ZCWPW2: variants seen among roughly 807,000 people sequenced by gnomAD.
ZCWPW2 encodes the protein zinc finger CW-type and PWWP domain containing 2.
In ZCWPW2, 45 loss-of-function variants were observed where a neutral mutation model predicts 46.6. The observed-to-expected ratio is 0.96, with a 90% CI of 0.76 to 1.24. The LOEUF is 1.24. ZCWPW2 is among the 50% of genes most tolerant of loss of function. The pLI is 0.00. For missense variants in ZCWPW2, 429 were observed against 403.9 expected, an observed-to-expected ratio of 1.06 and a Z score of -0.53; for synonymous variants, 152 against 137.1, an observed-to-expected ratio of 1.11 and a Z score of -0.76.
chr3:28,360,909 C>G (rs1704917622), intron 1 of ZCWPW2, among the ~76,000 whole-genome samples: 1 of 151,914 alleles, frequency 6.6e-6, no homozygotes, highest in Non-Finnish European at 1.5e-5. Flanking sequence ...GACATATAAA[C>G]CAATAAAATT....
chr3:28,356,727 C>T (rs962167013), intron 1 of ZCWPW2, among the ~76,000 whole-genome samples: 1 of 152,060 alleles, frequency 6.6e-6, no homozygotes, highest in Non-Finnish European at 1.5e-5. Flanking sequence ...AGCTGGAAAC[C>T]ATCATTCTCA....
At position 28,365,821 on chromosome 3, in the gene ZCWPW2, G is replaced by T. The variant is rs562345080; in HGVS notation, c.-134+16618G>T. 2.6e-4 allele frequency among the ~76,000 whole-genome samples: 36 copies of T among 140,700 alleles called. 1 individual carries two copies. The East Asian group carries it at 7.1e-3, about 28-fold the overall frequency. The allele number at this position is 140,700 out of a possible 152,430, so 92.3% of individuals were successfully genotyped here. ...ATTTGTTTGTATCCTCTTTTATTTC[G>T]TTGAGCAGTGGTTTGTAGTTTTCCT... On this transcript the variant is annotated intron_variant, in intron 1 of 9. Coordinates refer to ENST00000383768, the MANE Select transcript of ZCWPW2 (RefSeq NM_001040432.4).
At position 28,413,417 on chromosome 3, in the gene ZCWPW2, T is replaced by C. The variant is rs1559495103; in HGVS notation, c.332+17T>C. 1 of 1,571,838 alleles carries C rather than the reference T, an allele frequency of 6.4e-7. No homozygotes were observed. Among genetic ancestry groups the C allele is most frequent in the African/African-American group, 1.4e-5 (1 of 73,534 alleles). On this transcript the variant is annotated intron_variant, in intron 3 of 9. Transcript: ENST00000383768. Reference sequence around the variant, plus strand: ...TTGGCCAAGGTAAGGTTTGTGTAGTTTTATGACTTTTGAAATGTAGTCTTG... The same window carrying C: ...TTGGCCAAGGTAAGGTTTGTGTAGTCTTATGACTTTTGAAATGTAGTCTTG...
At chr3:28,375,086 C>T (rs781046921) in intron 1 of ZCWPW2, among the ~76,000 whole-genome samples, 6 of 151,110 alleles carry the variant, frequency 4.0e-5, no homozygotes, top group Admixed American at 6.6e-5. Context: ...TATAATGATC[C>T]TCTTCATCTC....
At chr3:28,478,733 T>C (rs1038721300) in intron 4 of ZCWPW2, 81 bp from the exon 5 acceptor site, 10 of 601,420 alleles carry the variant, frequency 1.7e-5, no homozygotes, top group Non-Finnish European at 2.4e-5. Flanking sequence ...AATTAGATTT[T>C]GTTCCAGCTT....
At chr3:28,359,510 AAGAGAAAAAGGCCT>A (rs1266703510) in intron 1 of ZCWPW2, among the ~76,000 whole-genome samples, 1 of 152,128 alleles carries the variant, frequency 6.6e-6, no homozygotes, top group Non-Finnish European at 1.5e-5. Context: ...AGTTGAAGAA[AAGAGAAAAAGGCCT>A]AGAGAAAAAT....
chr3:28,505,278 G>A (rs956954004), intron 6 of ZCWPW2, among the ~76,000 whole-genome samples: 8 of 152,096 alleles, frequency 5.3e-5, no homozygotes, highest in African/African-American at 1.7e-4. Context: ...AGAGTGCAGG[G>A]AACGGCAAGA....
intron 1 of ZCWPW2, among the ~76,000 whole-genome samples, chr3:28,368,843 A>C (rs1705214303): frequency 6.6e-6 from 1 of 152,108 alleles, no homozygotes; most frequent in Admixed American, 6.6e-5. Context: ...TATTTCTTGG[A>C]GGCTTTGTTC....
At chr3:28,380,273 C>A (rs1213531549) in intron 1 of ZCWPW2, among the ~76,000 whole-genome samples, 2 of 152,142 alleles carry the variant, frequency 1.3e-5, no homozygotes, top group Non-Finnish European at 2.9e-5. Context: ...CATGAGCCAC[C>A]ACGCCCGGCC....
chr3:28,369,218 G>T (rs572311748), intron 1 of ZCWPW2, among the ~76,000 whole-genome samples: 1 of 152,266 alleles, frequency 6.6e-6, no homozygotes, highest in South Asian at 2.1e-4. Context: ...GTATTCCTTT[G>T]GAGGAGGAGA....
At chr3:28,380,530 A>T (rs1392020905) in intron 1 of ZCWPW2, among the ~76,000 whole-genome samples, 2 of 152,072 alleles carry the variant, frequency 1.3e-5, no homozygotes, top group African/African-American at 4.8e-5. Flanking sequence ...TTTACTATAA[A>T]CCTGCCATTG....
intron 4 of ZCWPW2, among the ~76,000 whole-genome samples, chr3:28,466,203 C>A (rs1486256774): frequency 6.6e-6 from 1 of 151,974 alleles, no homozygotes; most frequent in South Asian, 2.1e-4. Flanking sequence ...GGTGGGAGGA[C>A]AATGAAGATA....
At chr3:28,380,309 C>A (rs1694994112) in intron 1 of ZCWPW2, among the ~76,000 whole-genome samples, 1 of 151,954 alleles carries the variant, frequency 6.6e-6, no homozygotes. Flanking sequence ...ATGCTGGACT[C>A]CTTCCCCTCA....
chr3:28,445,513 CTCG>C (rs1187614229), intron 4 of ZCWPW2, among the ~76,000 whole-genome samples: 8 of 151,874 alleles, frequency 5.3e-5, no homozygotes, highest in Non-Finnish European at 7.4e-5. Flanking sequence ...GGATGTAATC[CTCG>C]TGTTAAACAC....
intron 4 of ZCWPW2, 40 bp downstream of exon 4, chr3:28,435,309 TATTTTTAGTTATGGTA>T (rs751298285): frequency 1.3e-6 from 2 of 1,541,422 alleles, no homozygotes; most frequent in African/African-American, 2.8e-5. Context: ...TTCTTGCACT[TATTTTTAGTTATGGTA>T]ATTTTTATCT....
At chr3:28,466,118 T>C (rs1042900019) in intron 4 of ZCWPW2, among the ~76,000 whole-genome samples, 3 of 152,174 alleles carry the variant, frequency 2.0e-5, no homozygotes, top group African/African-American at 7.2e-5. Context: ...AAGTGGAAGC[T>C]GAACATTGAG....
intron 8 of ZCWPW2, among the ~76,000 whole-genome samples, chr3:28,519,928 G>A (rs1476172460): frequency 6.6e-6 from 1 of 151,524 alleles, no homozygotes; most frequent in Non-Finnish European, 1.5e-5. Flanking sequence ...TAGAGTTATA[G>A]TAGGCTTTTA....
rs13100556 is a variant in ZCWPW2 at position 28,492,167 on chromosome 3, G to A, written c.651G>A (p.Lys217=). 0.17 allele frequency: 274,920 copies of A among 1,603,220 alleles called. 27,435 individuals carry two copies. The highest frequency in any genetic ancestry group is 0.43 in the East Asian group (19,031 of 44,144). Residue 217 remains lysine, a synonymous_variant, in exon 6 of 10, where the codon AAG becomes AAA. Coordinates refer to ENST00000383768, the MANE Select transcript of ZCWPW2 (RefSeq NM_001040432.4). ...ATGACAAAGTTGCTGCACTGGTCAA[G>A]AAAAGGGTAAGATTGTGTTTTATTA... ...ETHDKVAALV[K]KRKQTSKNNI...
At chr3:28,463,822 C>T (rs1698727956) in intron 4 of ZCWPW2, among the ~76,000 whole-genome samples, 1 of 149,560 alleles carries the variant, frequency 6.7e-6, no homozygotes, top group Admixed American at 6.7e-5. Context: ...GACTGTTCAA[C>T]AGAGCAAGAC....
Sources: gnomAD v4.1 joint callset for allele counts (sites outside exome capture counted in the v4.1 genomes callset) on GRCh38, gnomAD v4.1.1 for gene constraint, MANE v1.5 for transcripts, NCBI Gene and HGNC (gene_info 2026-07-23, HGNC 2026-07-21) for gene names.